CABIN1: variants seen among roughly 807,000 people sequenced by gnomAD.
CABIN1 encodes the protein calcineurin binding protein 1.
Under a neutral mutation model 227.7 loss-of-function variants are expected in CABIN1, and 133 were observed. The ratio of observed to expected loss-of-function variants is 0.58; its 90% confidence interval spans 0.51 to 0.67. CABIN1 has a LOEUF of 0.67. Ranked by LOEUF, CABIN1 falls within the 30% of genes least tolerant of loss-of-function variation. The pLI, the probability that CABIN1 is intolerant of heterozygous loss-of-function variation, is 0.00. For synonymous variants in CABIN1, 1,086 were observed against 1,155.1 expected, an observed-to-expected ratio of 0.94 and a Z score of 1.21; for missense variants, 2,408 against 2,852.5, an observed-to-expected ratio of 0.84 and a Z score of 3.55.
chr22:24,082,189 G>A (rs1223662037), intron 19 of CABIN1, among the ~76,000 whole-genome samples: 6 of 149,160 alleles, frequency 4.0e-5, no homozygotes, highest in Admixed American at 1.4e-4. Flanking sequence ...TCCTGGGCTC[G>A]AGCAGTCTTC....
intron 1 of CABIN1, among the ~76,000 whole-genome samples, chr22:24,015,883 G>A (rs1030141469): frequency 1.3e-5 from 2 of 152,186 alleles, no homozygotes; most frequent in African/African-American, 2.4e-5. Flanking sequence ...GCTTGAACCC[G>A]GGAGGCAGAG....
chr22:24,059,542 C>T (rs1466814883), intron 11 of CABIN1, among the ~76,000 whole-genome samples, 179 bp downstream of exon 11: 2 of 152,178 alleles, frequency 1.3e-5, no homozygotes, highest in African/African-American at 2.4e-5. Flanking sequence ...TCTGAAATGT[C>T]CAGGCTCATA....
intron 32 of CABIN1, 45 bp from the exon 33 acceptor site, chr22:24,168,402 C>A (rs972246579): frequency 6.5e-7 from 1 of 1,541,100 alleles, no homozygotes; most frequent in Non-Finnish European, 8.8e-7. Flanking sequence ...GGGAGGCTAA[C>A]CACAATGGCC....
Position 24,119,706 on chromosome 22 carries a change from G to T in CABIN1, c.4632+8G>T. 1 of 1,613,236 alleles carries T rather than the reference G, an allele frequency of 6.2e-7. No individual in the cohort carries two copies. The highest frequency in any genetic ancestry group is 8.5e-7 in the Non-Finnish European group (1 of 1,179,498). On this transcript the variant is annotated splice_region_variant and intron_variant, in intron 28 of 36. Transcript: ENST00000263119. ...TACAGCAAGACCCACCGGGTGAGTGGCTGCCGGGCCAAGGGGGCTTGGATC... is the reference window on the plus strand; with the variant it reads ...TACAGCAAGACCCACCGGGTGAGTGTCTGCCGGGCCAAGGGGGCTTGGATC...
intron 35 of CABIN1, among the ~76,000 whole-genome samples, chr22:24,176,648 G>T (rs192637357): frequency 7.9e-4 from 121 of 152,304 alleles, no homozygotes; most frequent in African/African-American, 2.8e-3. Flanking sequence ...CATGGGCCTG[G>T]TGACAGACAC....
chr22:24,174,528 C>T (rs2047000032), intron 34 of CABIN1, among the ~76,000 whole-genome samples: 1 of 152,226 alleles, frequency 6.6e-6, no homozygotes, highest in Admixed American at 6.5e-5. Flanking sequence ...GACCCAGCTC[C>T]TGTCCCTCTG....
chr22:24,037,131 A>G (rs879553225), intron 3 of CABIN1, among the ~76,000 whole-genome samples: 2 of 151,914 alleles, frequency 1.3e-5, no homozygotes, highest in African/African-American at 4.8e-5. Context: ...GTGGTGGTGC[A>G]TGTCTGTAGT....
intron 1 of CABIN1, among the ~76,000 whole-genome samples, chr22:24,018,569 G>C: frequency 6.6e-6 from 1 of 152,144 alleles, no homozygotes; most frequent in Non-Finnish European, 1.5e-5. Context: ...CTAGTGATTT[G>C]AGATGCCATC....
At chr22:24,153,341 C>T (rs1037748628) in intron 29 of CABIN1, among the ~76,000 whole-genome samples, 1 of 152,186 alleles carries the variant, frequency 6.6e-6, no homozygotes, top group African/African-American at 2.4e-5. Flanking sequence ...AAGCAGTTCT[C>T]TCTCTGGGGC....
chr22:24,124,685 G>C (rs1168866270), intron 28 of CABIN1, among the ~76,000 whole-genome samples: 2 of 152,220 alleles, frequency 1.3e-5, no homozygotes, highest in Non-Finnish European at 2.9e-5. Context: ...CCAGGAGAGA[G>C]AGCACATGGC....
intron 28 of CABIN1, among the ~76,000 whole-genome samples, chr22:24,133,267 G>GCT (rs2044182612): frequency 6.6e-6 from 1 of 152,238 alleles, no homozygotes; most frequent in Non-Finnish European, 1.5e-5. Context: ...TTAGAGGCAG[G>GCT]CTAGCATGGG....
intron 26 of CABIN1, among the ~76,000 whole-genome samples, chr22:24,102,639 C>G (rs1258001182): frequency 6.6e-6 from 1 of 152,110 alleles, no homozygotes; most frequent in Non-Finnish European, 1.5e-5. Context: ...GGGTAAGAGG[C>G]CTTTCCGAGG....
intron 1 of CABIN1, among the ~76,000 whole-genome samples, chr22:24,022,064 T>C (rs2035763515): frequency 6.6e-6 from 1 of 152,268 alleles, no homozygotes; most frequent in Admixed American, 6.5e-5. Context: ...AATTCTACTT[T>C]GATGTCTATC....
chr22:24,108,000 C>A (rs966345352), intron 26 of CABIN1, among the ~76,000 whole-genome samples: 2 of 152,242 alleles, frequency 1.3e-5, no homozygotes, highest in Admixed American at 6.5e-5. Flanking sequence ...GACTCTGAGG[C>A]CTCACGAGCA....
intron 26 of CABIN1, among the ~76,000 whole-genome samples, chr22:24,111,920 T>A (rs758512526): frequency 6.6e-6 from 1 of 152,264 alleles, no homozygotes; most frequent in Non-Finnish European, 1.5e-5. Context: ...TGTTTTTTAT[T>A]TCTAGCCTTT....
At chr22:24,022,074 C>T (rs2035764514) in intron 1 of CABIN1, among the ~76,000 whole-genome samples, 1 of 152,056 alleles carries the variant, frequency 6.6e-6, no homozygotes, top group Non-Finnish European at 1.5e-5. Context: ...TGATGTCTAT[C>T]CCTGTGCTAT....
chr22:24,093,888 AAAATT>A (rs1385485327), intron 24 of CABIN1, among the ~76,000 whole-genome samples: 7 of 152,186 alleles, frequency 4.6e-5, no homozygotes, highest in Admixed American at 1.3e-4. Flanking sequence ...TAAAAAAAAA[AAAATT>A]AAATTTGCCT....
rs560960767 is a variant in CABIN1, at chr22:24,079,903, C to G, written c.2749-3325C>G. 2.0e-5 allele frequency among the ~76,000 whole-genome samples: 3 copies of G among 152,128 alleles called. No homozygotes were observed. In the East Asian group the frequency reaches 5.8e-4, roughly 29 times the overall value. ...TTCTGTGCACCTTTATGTGGGATAT[C>G]TTTTAACTATGTGTATGGTATTTGT... is the stretch of plus-strand genomic sequence containing the variant. On this transcript the variant is annotated intron_variant, in intron 19 of 36. Transcript: ENST00000263119.
intron 16 of CABIN1, 79 bp downstream of exon 16, chr22:24,067,260 C>T (rs574698978): frequency 1.9e-5 from 28 of 1,435,920 alleles, no homozygotes; most frequent in Middle Eastern, 1.7e-4. Flanking sequence ...GGAGGTTCTG[C>T]GGTAGTTCTT....
Sources: gnomAD v4.1 joint callset for allele counts (sites outside exome capture counted in the v4.1 genomes callset) on GRCh38, gnomAD v4.1.1 for gene constraint, MANE v1.5 for transcripts, NCBI Gene and HGNC (gene_info 2026-07-23, HGNC 2026-07-21) for gene names.